The following IGSF21 variants were observed in gnomAD, a reference collection of about 807,000 sequenced individuals.
The protein encoded by IGSF21 is immunoglobin superfamily member 21, also known as immunoglobulin superfamily member 21.
In IGSF21, 28 loss-of-function variants were observed where a neutral mutation model predicts 46.8. That is an observed-to-expected ratio of 0.60 (90% CI 0.44 to 0.82). The LOEUF (loss-of-function observed/expected upper bound fraction) is 0.82, where lower values mean the gene tolerates loss of function less well. IGSF21 is among the 40% of genes least tolerant of loss of function. The pLI is 0.00. For missense variants in IGSF21, 624 were observed against 665.5 expected (o/e 0.94, Z 0.69); for synonymous variants, 284 against 273.6 (o/e 1.04, Z -0.38).
intron 1 of IGSF21, among the ~76,000 whole-genome samples, chr1:18,193,747 A>G (rs1448422625): frequency 6.6e-6 from 1 of 152,210 alleles, no homozygotes; most frequent in Non-Finnish European, 1.5e-5. Context: ...AATACTTTGC[A>G]TCCTACAATC....
intron 1 of IGSF21, among the ~76,000 whole-genome samples, chr1:18,184,731 C>T (rs1027884748): frequency 3.3e-5 from 5 of 152,148 alleles, no homozygotes; most frequent in African/African-American, 1.2e-4. Context: ...TGATGACGTG[C>T]ACCCTCCCTC....
At chr1:18,193,174 G>T (rs2086974029) in intron 1 of IGSF21, among the ~76,000 whole-genome samples, 1 of 152,118 alleles carries the variant, frequency 6.6e-6, no homozygotes, top group African/African-American at 2.4e-5. Context: ...AACAAGCCCA[G>T]ACTTGTGGGG....
chr1:18,267,217 G>A (rs926636190), intron 2 of IGSF21, among the ~76,000 whole-genome samples: 1 of 152,180 alleles, frequency 6.6e-6, no homozygotes, highest in African/African-American at 2.4e-5. Flanking sequence ...TGTACACTGA[G>A]GACCAGCTGA....
At chr1:18,281,965 C>A (rs1024127057) in intron 2 of IGSF21, among the ~76,000 whole-genome samples, 8 of 152,160 alleles carry the variant, frequency 5.3e-5, no homozygotes, top group Non-Finnish European at 8.8e-5. Context: ...GCCTGGCTCC[C>A]AGCTCTGCGG....
chr1:18,232,113 T>C (rs865791149), intron 2 of IGSF21, among the ~76,000 whole-genome samples: 1 of 151,818 alleles, frequency 6.6e-6, no homozygotes, highest in African/African-American at 2.4e-5. Flanking sequence ...CTTTTCACCA[T>C]CCCCCTCTGC....
chr1:18,305,355 A>T (rs1304559760), intron 3 of IGSF21, among the ~76,000 whole-genome samples: 2 of 149,634 alleles, frequency 1.3e-5, no homozygotes, highest in Admixed American at 6.6e-5. Context: ...GGATAGATGG[A>T]TAGATGCATG....
At position 18,109,991 on chromosome 1, in the gene IGSF21, C is replaced by T. The variant is rs2086127144; in HGVS notation, c.70+1793C>T. On this transcript the variant is annotated intron_variant, in intron 1 of 9. Transcript: ENST00000251296. The surrounding 1 kb of genome is among the most constrained non-coding windows in gnomAD (Gnocchi z 4.8). ...AAACCCTGGCTCCGTCAGGACCCCA[C>T]CCTGCGAGCTCTCCCTGGAACCCGG... 1.3e-5 allele frequency: 2 copies of T among 152,410 alleles called. No individual in the cohort carries two copies. The highest frequency in any genetic ancestry group is 1.9e-4 in the East Asian group (1 of 5,162). The allele number at this position is 152,410 out of a possible 1,614,324, so 9.4% of individuals were successfully genotyped here.
chr1:18,323,561 C>A (rs1183365772), intron 3 of IGSF21, among the ~76,000 whole-genome samples: 2 of 152,118 alleles, frequency 1.3e-5, no homozygotes, highest in African/African-American at 4.8e-5. Context: ...GCTGGGCCGC[C>A]AACGATCAGG....
chr1:18,230,134 C>T (rs139573428), intron 2 of IGSF21, among the ~76,000 whole-genome samples: 1 of 152,336 alleles, frequency 6.6e-6, no homozygotes, highest in East Asian at 1.9e-4. Flanking sequence ...ATGGGCAATG[C>T]TAGTGCCAGG....
intron 2 of IGSF21, among the ~76,000 whole-genome samples, chr1:18,242,278 G>A (rs1157438217): frequency 3.9e-5 from 6 of 152,078 alleles, no homozygotes; most frequent in Non-Finnish European, 7.4e-5. Context: ...TCTCCCCCAC[G>A]CTGCCTCCCT....
At chr1:18,195,244 C>T (rs1238347547) in intron 1 of IGSF21, among the ~76,000 whole-genome samples, 4 of 152,076 alleles carry the variant, frequency 2.6e-5, no homozygotes, top group Non-Finnish European at 5.9e-5. Flanking sequence ...CACCCAAGAG[C>T]GTCTTTGATG....
intron 2 of IGSF21, among the ~76,000 whole-genome samples, chr1:18,279,083 A>G (rs1294835115): frequency 6.6e-6 from 1 of 152,194 alleles, no homozygotes; most frequent in Non-Finnish European, 1.5e-5. Context: ...CAGTGAATAA[A>G]GAGGAGCCCA....
At chr1:18,124,502 C>T (rs1394225153) in intron 1 of IGSF21, among the ~76,000 whole-genome samples, 1 of 152,176 alleles carries the variant, frequency 6.6e-6, no homozygotes, top group Non-Finnish European at 1.5e-5. Flanking sequence ...TGCTTCTCTG[C>T]AGAAATCCCT....
At chr1:18,162,497 C>T (rs979989916) in intron 1 of IGSF21, among the ~76,000 whole-genome samples, 2 of 152,114 alleles carry the variant, frequency 1.3e-5, no homozygotes, top group Non-Finnish European at 2.9e-5. Context: ...GTCACCCATG[C>T]CATCAGGACA....
At chr1:18,246,345 G>A (rs576110510) in intron 2 of IGSF21, among the ~76,000 whole-genome samples, 1 of 152,074 alleles carries the variant, frequency 6.6e-6, no homozygotes, top group South Asian at 2.1e-4. Context: ...TTTGCCCTTG[G>A]TTTTTGAGCT....
intron 9 of IGSF21, among the ~76,000 whole-genome samples, chr1:18,378,005 T>G (rs1191819959): frequency 6.6e-6 from 1 of 152,166 alleles, no homozygotes; most frequent in African/African-American, 2.4e-5. Context: ...CAGTTCACAA[T>G]GGAGGCTCCC....
intron 1 of IGSF21, among the ~76,000 whole-genome samples, chr1:18,139,645 C>A: frequency 6.6e-6 from 1 of 152,236 alleles, no homozygotes; most frequent in Non-Finnish European, 1.5e-5. Flanking sequence ...GCCAGCCCCA[C>A]AACGTGTTGG....
At chr1:18,295,166 A>G (rs79946526) in intron 3 of IGSF21, among the ~76,000 whole-genome samples, 4,576 of 152,212 alleles carry the variant, frequency 0.03, 105 homozygotes, top group Non-Finnish European at 0.049. Flanking sequence ...TTCTGCCCCC[A>G]GGGGGTGCAG....
At chr1:18,357,424 G>A (rs1332478536) in intron 4 of IGSF21, among the ~76,000 whole-genome samples, 1 of 143,760 alleles carries the variant, frequency 7.0e-6, no homozygotes, top group Non-Finnish European at 1.5e-5. Context: ...ATGGGGATGG[G>A]AACGGAGATG....
Sources: gnomAD v4.1 joint callset for allele counts (sites outside exome capture counted in the v4.1 genomes callset) on GRCh38, gnomAD v4.1.1 for gene constraint, Gnocchi (gnomAD v3.1) non-coding constraint, MANE v1.5 for transcripts, NCBI Gene and HGNC (gene_info 2026-07-23, HGNC 2026-07-21) for gene names.